Variants in ABHD4 observed in about 807,000 individuals in gnomAD.
The protein encoded by ABHD4 is abhydrolase domain containing 4, N-acyl phospholipase B, also known as (Lyso)-N-acylphosphatidylethanolamine lipase.
ABHD4 carries 35 observed loss-of-function variants against 42.3 expected under a neutral mutation model. That is an observed-to-expected ratio of 0.83 (90% CI 0.63 to 1.10). ABHD4 has a LOEUF of 1.10. Among genes scored for constraint, ABHD4 ranks in the 50% least tolerant of loss-of-function variants. The pLI is 0.00. For synonymous variants in ABHD4, 169 were observed against 170.6 expected (o/e 0.99, Z 0.07); for missense variants, 389 against 454.8 (o/e 0.86, Z 1.32).
At chr14:22,606,400 G>T (rs745685971) in intron 4 of ABHD4, 22 bp from the exon 5 acceptor site, 20 of 1,588,904 alleles carry the variant, frequency 1.3e-5, no homozygotes, top group Non-Finnish European at 1.7e-5. Flanking sequence ...TGGCCTGTCT[G>T]TGTTTTTCTA....
intron 5 of ABHD4, 25 bp downstream of exon 5, chr14:22,606,558 T>TGGCC: frequency 3.3e-6 from 5 of 1,518,240 alleles, no homozygotes; most frequent in Non-Finnish European, 4.6e-6. Context: ...CCAGGCCAGC[T>TGGCC]TGGGGCAGAC....
intron 4 of ABHD4, among the ~76,000 whole-genome samples, chr14:22,604,540 C>T (rs2139266976): frequency 7.0e-6 from 1 of 143,742 alleles, no homozygotes; most frequent in South Asian, 2.2e-4. Context: ...AGCCACCGCG[C>T]CTGGCCTGTT....
Position 22,603,469 on chromosome 14 carries a change from G to A in ABHD4, c.192G>A (p.Glu64=), listed in dbSNP as rs765973154. 5.0e-6 allele frequency: 8 copies of A among 1,612,680 alleles called. No individual in the cohort carries two copies. The South Asian group carries it at 7.7e-5, about 16-fold the overall frequency. The change falls in exon 3 of 7, where the codon GAG becomes GAA. Residue 64 remains glutamate, a synonymous_variant. Transcript: ENST00000428304. ...TCTGGACGGTGACTGTGAGCCCCGA[G>A]CAAAACGACCGCACCCCCTTGGTGA... ...NKIWTVTVSP[E]QNDRTPLVMV...
chr14:22,598,475 G>T, intron 1 of ABHD4, 146 bp downstream of exon 1: 1 of 1,536,938 alleles, frequency 6.5e-7, no homozygotes, highest in Non-Finnish European at 8.7e-7. Context: ...GGGTGGGTGC[G>T]TTGCTTGCTT....
At chr14:22,599,970 T>A in intron 1 of ABHD4, 2 of 272,910 alleles carry the variant, frequency 7.3e-6, no homozygotes, top group Non-Finnish European at 1.5e-5. Flanking sequence ...CCACTGAGAG[T>A]TGCTACTTGC....
In ABHD4 at chr14:22,606,440, G is replaced by A. The variant is rs543692008; in HGVS notation, c.659G>A (p.Arg220Gln). The A allele has an allele frequency of 1.1e-5, 17 of 1,612,490 alleles. No individual in the cohort carries two copies. The highest frequency in any genetic ancestry group is 6.7e-5 in the East Asian group (3 of 44,878). Reference protein sequence around the residue: ...AGPWGPGLVQRFRPDFKRKFA... With the variant: ...AGPWGPGLVQQFRPDFKRKFA... ...CTCCCAGGGCCTGGTCTGGTGCAGC[G>A]ATTCCGGCCGGACTTCAAACGCAAG... The change falls in exon 5 of 7, where the codon CGA (arginine) becomes CAA (glutamine). Residue 220 changes from arginine to glutamine, a missense_variant. Around this residue, in one of 3 missense-constraint regions of ABHD4, gnomAD observed 249 missense variants for 254.4 expected, o/e 0.98. Coordinates refer to ENST00000428304, the MANE Select transcript of ABHD4 (RefSeq NM_022060.3).
At chr14:22,606,609 G>A in intron 5 of ABHD4, 76 bp downstream of exon 5, 1 of 1,026,366 alleles carries the variant, frequency 9.7e-7, no homozygotes, top group Non-Finnish European at 1.5e-6. Context: ...GGAGTTCTGG[G>A]CTTTATTTCT....
intron 4 of ABHD4, chr14:22,605,880 A>G: frequency 8.0e-7 from 1 of 1,256,180 alleles, no homozygotes. Flanking sequence ...TGTATACCAT[A>G]ATGAGGTGAA....
chr14:22,601,557 C>A, intron 1 of ABHD4, 110 bp from the exon 2 acceptor site: 1 of 1,011,946 alleles, frequency 9.9e-7, no homozygotes, highest in Non-Finnish European at 1.5e-6. Context: ...TCTCTCAAGG[C>A]TAGGAAACAC....
intron 4 of ABHD4, among the ~76,000 whole-genome samples, 166 bp from the exon 5 acceptor site, chr14:22,606,256 A>G (rs2037347848): frequency 6.6e-6 from 1 of 152,202 alleles, no homozygotes; most frequent in African/African-American, 2.4e-5. Context: ...GGACCTTCCC[A>G]GTAGATTCCT....
intron 6 of ABHD4, among the ~76,000 whole-genome samples, chr14:22,610,478 G>C (rs1237520407): frequency 2.0e-5 from 3 of 152,132 alleles, no homozygotes; most frequent in Non-Finnish European, 4.4e-5. Flanking sequence ...GTGAATAGTA[G>C]AGGCTGCCAT....
At chr14:22,598,512 T>C (rs561610468) in intron 1 of ABHD4, 183 bp downstream of exon 1, 3 of 1,522,684 alleles carry the variant, frequency 2.0e-6, no homozygotes, top group African/African-American at 2.7e-5. Flanking sequence ...AGGCAGCGGC[T>C]GAGCCTGGGG....
intron 5 of ABHD4, among the ~76,000 whole-genome samples, chr14:22,606,928 A>G (rs138564209): frequency 3.3e-5 from 5 of 152,222 alleles, no homozygotes; most frequent in Non-Finnish European, 5.9e-5. Context: ...TTCAAAAGGA[A>G]AGGAAGTCTT....
In ABHD4 at chr14:22,611,090, C is replaced by T. The variant is rs927819188; in HGVS notation, c.*142C>T. 10 of 734,114 alleles carry T rather than the reference C, an allele frequency of 1.4e-5. No homozygotes were observed. The highest frequency in any genetic ancestry group is 2.1e-5 in the Admixed American group (1 of 47,402). The allele number at this position is 734,114 out of a possible 1,614,324, so 45.5% of individuals were successfully genotyped here. ...TTGTGCTGTTCCCAGAACAGGACGA[C>T]AGTGAAAAGAACACTCTTGACCCTA... On this transcript the variant is annotated 3_prime_UTR_variant, in exon 7 of 7. Transcript: ENST00000428304.
Position 22,612,228 on chromosome 14 carries a change from C to T in ABHD4, c.*1280C>T, listed in dbSNP as rs1007932684. 1 of 152,750 alleles carries T rather than the reference C, an allele frequency of 6.5e-6. No individual in the cohort carries two copies. The highest frequency in any genetic ancestry group is 1.5e-5 in the Non-Finnish European group (1 of 68,114). 9.5% of individuals were successfully genotyped at this position (152,750 alleles called of 1,614,324 possible). A position where few individuals can be genotyped will look rare whatever the true frequency, so the allele number is the denominator to read the frequency against. On this transcript the variant is annotated 3_prime_UTR_variant, in exon 7 of 7. Coordinates refer to ENST00000428304, the MANE Select transcript of ABHD4 (RefSeq NM_022060.3). ...TGGGCCTGGCCTCAGAACCTGGTGGCTCCTGCCTGCTCCTTCACTTTTGTA... is the reference window on the plus strand; with the variant it reads ...TGGGCCTGGCCTCAGAACCTGGTGGTTCCTGCCTGCTCCTTCACTTTTGTA...
intron 2 of ABHD4, among the ~76,000 whole-genome samples, chr14:22,603,082 TACTA>T (rs535966764): frequency 1.5e-3 from 228 of 152,342 alleles, no homozygotes; most frequent in Middle Eastern, 3.4e-3. Flanking sequence ...AAGGAATTCT[TACTA>T]ACTGATGTAT....
rs1420158493 is a variant in ABHD4 at position 22,609,830 on chromosome 14, T to C, written c.859T>C (p.Tyr287His). Residue 287 changes from tyrosine to histidine, a missense_variant, in exon 6 of 7, where the codon TAC becomes CAC. Tyr to His is a moderately conservative substitution (Grantham distance 83). Around this residue, in one of 3 missense-constraint regions of ABHD4, gnomAD observed 249 missense variants for 254.4 expected, o/e 0.98. Coordinates refer to ENST00000428304, the MANE Select transcript of ABHD4 (RefSeq NM_022060.3). ...IRKDVPITMI[Y>H]GSDTWIDTST... ...AAAAGATGTGCCTATCACTATGATC[T>C]ACGGGTCCGACACCTGGATAGATAC... 1 of 1,614,028 alleles carries C rather than the reference T, an allele frequency of 6.2e-7. No individual in the cohort carries two copies. The highest frequency in any genetic ancestry group is 8.5e-7 in the Non-Finnish European group (1 of 1,180,046).
At chr14:22,606,576 A>G in intron 5 of ABHD4, 43 bp downstream of exon 5, 1 of 1,397,778 alleles carries the variant, frequency 7.2e-7, no homozygotes, top group Non-Finnish European at 1.0e-6. Context: ...GACAGTTGTT[A>G]GGAGATAAAA....
At chr14:22,604,871 A>G (rs940584207) in intron 4 of ABHD4, among the ~76,000 whole-genome samples, 3 of 152,100 alleles carry the variant, frequency 2.0e-5, no homozygotes, top group Non-Finnish European at 4.4e-5. Flanking sequence ...CAGCCTCCCA[A>G]AGTGCTGGGA....
Sources: gnomAD v4.1 joint callset for allele counts (sites outside exome capture counted in the v4.1 genomes callset) on GRCh38, gnomAD v4.1.1 for gene constraint, gnomAD v4.1.1 regional missense constraint, MANE v1.5 for transcripts, NCBI Gene and HGNC (gene_info 2026-07-23, HGNC 2026-07-21) for gene names.